Variants in CERS1 observed in about 807,000 individuals in gnomAD.
The protein encoded by CERS1 is Embryonic growth/differentiation factor 1.
Under a neutral mutation model 35.7 loss-of-function variants are expected in CERS1, and 16 were observed. The observed-to-expected ratio is 0.45, with a 90% CI of 0.30 to 0.68. The LOEUF (loss-of-function observed/expected upper bound fraction) is 0.68, where lower values mean the gene tolerates loss of function less well. Among genes scored for constraint, CERS1 ranks in the 30% least tolerant of loss-of-function variants. The pLI, the probability that CERS1 is intolerant of heterozygous loss-of-function variation, is 0.08. For missense variants in CERS1, 454 were observed against 453.9 expected (o/e 1.00, Z 0.00); for synonymous variants, 243 against 201.6 (o/e 1.21, Z -1.74).
intron 2 of CERS1, among the ~76,000 whole-genome samples, chr19:18,892,911 T>C (rs1298609101): frequency 6.6e-6 from 1 of 151,764 alleles, no homozygotes; most frequent in Non-Finnish European, 1.5e-5. Flanking sequence ...CCCCTTACAC[T>C]GTTCTTTTTT....
chr19:18,894,668 C>T (rs73526948), intron 1 of CERS1, among the ~76,000 whole-genome samples: 1,606 of 152,196 alleles, frequency 0.011, 23 homozygotes, highest in African/African-American at 0.035. Flanking sequence ...AAGACCACTG[C>T]GGACCCAGGG....
Position 18,878,245 on chromosome 19 carries a change from C to A in CERS1, c.1010+685G>T. On this transcript the variant is annotated intron_variant, in intron 6 of 7. Transcript: ENST00000623882. This position sits in a 1 kb window ranked among gnomAD's most constrained non-coding sequence, Gnocchi z 4.6. ...ACGTTGCCTATGAGACACTGCACAC[C>A]CGACTCTGCTTGTTACCCAGTTTGG... The A allele has an allele frequency of 1.0e-6, 1 of 985,810 alleles. No homozygotes were observed. The highest frequency in any genetic ancestry group is 1.2e-6 in the Non-Finnish European group (1 of 830,268). The allele number at this position is 985,810 out of a possible 1,614,324, so 61.1% of individuals were successfully genotyped here.
chr19:18,896,899 C>T (rs1479289350), upstream of CERS1, among the ~76,000 whole-genome samples: 1 of 135,266 alleles, frequency 7.4e-6, no homozygotes, highest in Non-Finnish European at 1.6e-5. The surrounding 1 kb of genome is among the most constrained non-coding windows in gnomAD (Gnocchi z 5.9). Flanking sequence ...CTGAGGGTCA[C>T]TTGCTGCTGT....
Position 18,878,772 on chromosome 19 carries a change from T to A in CERS1, c.1010+158A>T. On this transcript the variant is annotated intron_variant, in intron 6 of 7. Transcript: ENST00000623882. This position sits in a 1 kb window ranked among gnomAD's most constrained non-coding sequence, Gnocchi z 4.6. ...GTCCTTCAGGGTACTGGCCACATCG[T>A]CCACGCCTTTATTGCAGTCTCTGTT... 6.9e-7 allele frequency: 1 copy of A among 1,450,872 alleles called. No individual in the cohort carries two copies. The highest frequency in any genetic ancestry group is 9.1e-7 in the Non-Finnish European group (1 of 1,101,130). 89.9% of individuals were successfully genotyped at this position (1,450,872 alleles called of 1,614,324 possible).
chr19:18,883,195 C>T (rs1270345541), intron 3 of CERS1: 2 of 152,092 alleles, frequency 1.3e-5, no homozygotes, highest in Admixed American at 1.3e-4. Context: ...GGCGTGGCTA[C>T]CCTATTATCG....
chr19:18,893,602 C>A (rs1246583008), intron 1 of CERS1, 27 bp from the exon 2 acceptor site: 1 of 1,590,560 alleles, frequency 6.3e-7, no homozygotes, highest in South Asian at 1.1e-5. Context: ...AGGCGGGCAG[C>A]CATTGGTGCT....
chr19:18,886,997 C>T (rs1379034123), intron 2 of CERS1, among the ~76,000 whole-genome samples: 2 of 152,226 alleles, frequency 1.3e-5, no homozygotes, highest in Admixed American at 6.5e-5. Flanking sequence ...CACCATGACC[C>T]AGCAAGTCCA....
chr19:18,882,615 C>T lies in CERS1; in HGVS notation c.590+1472G>A, dbSNP rs562172143. ...TCATGGCACTGCACTCCAGCCTGGG[C>T]GACAGAGCGAGACTCTGTCTCAAAA... is the stretch of plus-strand genomic sequence containing the variant. On this transcript the variant is annotated intron_variant, in intron 3 of 7. Coordinates refer to ENST00000623882, the MANE Select transcript of CERS1 (RefSeq NM_021267.5). Among the ~76,000 whole-genome samples, 148 of 149,964 alleles carry T rather than the reference C, an allele frequency of 9.9e-4. 2 individuals are homozygous for T. The highest frequency in any genetic ancestry group is 5.3e-4 in the Admixed American group (8 of 15,078).
Position 18,896,106 on chromosome 19 carries a change from G to C in CERS1, c.-34C>G. On this transcript the variant is annotated 5_prime_UTR_variant, in exon 1 of 8. Coordinates refer to ENST00000623882, the MANE Select transcript of CERS1 (RefSeq NM_021267.5). This position sits in a 1 kb window ranked among gnomAD's most constrained non-coding sequence, Gnocchi z 5.9. ...CTCGCCCGCCGTGCCCGTCGCCTGC[G>C]CCCGCCCGCGGTAGCCGACGGAGCC... 1.2e-6 allele frequency: 1 copy of C among 862,462 alleles called. No homozygotes were observed. The highest frequency in any genetic ancestry group is 1.4e-6 in the Non-Finnish European group (1 of 720,720). 53.4% of individuals were successfully genotyped at this position (862,462 alleles called of 1,614,324 possible).
chr19:18,894,385 C>T (rs2056574278), intron 1 of CERS1, among the ~76,000 whole-genome samples: 1 of 152,078 alleles, frequency 6.6e-6, no homozygotes. Flanking sequence ...CAGCTGGAGC[C>T]GGCTCCGGTA....
rs2056136760 is a variant in CERS1 at position 18,879,358 on chromosome 19, G to A, written c.783C>T (p.Leu261=). ...AGTGACTGGTGGCATACAGGACCTT[G>A]AGCGGGAACCAGTAGAGGCGGAACC... is the stretch of plus-strand genomic sequence containing the variant. The part of the protein sequence containing the change: ...WFWFRLYWFP[L]KVLYATSHCS... The change falls in exon 5 of 8, where the codon CTC becomes CTT. Residue 261 remains leucine, a synonymous_variant. Coordinates refer to ENST00000623882, the MANE Select transcript of CERS1 (RefSeq NM_021267.5). 2 of 1,588,192 alleles carry A rather than the reference G, an allele frequency of 1.3e-6. No individual in the cohort carries two copies. Among genetic ancestry groups the A allele is most frequent in the East Asian group, 2.3e-5 (1 of 43,520 alleles).
rs2055946510 is a variant in CERS1, at chr19:18,870,373, G to A, written c.*204C>T. Reference sequence around the variant, plus strand: ...GGCGGCCCGGGACCAGTGGGCTGAGGGCGGGGCCGGTGTCCCCGGAGGGGC... The same window carrying A: ...GGCGGCCCGGGACCAGTGGGCTGAGAGCGGGGCCGGTGTCCCCGGAGGGGC... On this transcript the variant is annotated 3_prime_UTR_variant, in exon 7 of 8. Transcript: ENST00000623882. The surrounding 1 kb of genome is among the most constrained non-coding windows in gnomAD (Gnocchi z 5.1). 2 of 1,530,132 alleles carry A rather than the reference G, an allele frequency of 1.3e-6. No homozygotes were observed. The highest frequency in any genetic ancestry group is 1.8e-6 in the Non-Finnish European group (2 of 1,138,030). 94.8% of individuals were successfully genotyped at this position (1,530,132 alleles called of 1,614,324 possible). A position where few individuals can be genotyped will look rare whatever the true frequency, so the allele number is the denominator to read the frequency against.
intron 6 of CERS1, among the ~76,000 whole-genome samples, chr19:18,872,842 T>G (rs1301254316): frequency 1.3e-5 from 2 of 151,772 alleles, no homozygotes; most frequent in African/African-American, 4.8e-5. Flanking sequence ...AGAGATGGGA[T>G]TTCACCACGT....
chr19:18,869,857 G>C (rs2055932510), intron 7 of CERS1, 126 bp downstream of exon 7: 1 of 900,272 alleles, frequency 1.1e-6, no homozygotes, highest in South Asian at 1.4e-5. Context: ...GGCCGAAGTT[G>C]CTAGTAGCCT....
In CERS1 at chr19:18,880,266, C is replaced by T; in HGVS notation, c.752+8G>A. On this transcript the variant is annotated splice_region_variant and intron_variant, in intron 4 of 7. Transcript: ENST00000623882. ...CTCCCTCCCTGCCCAGCACTCCCTA[C>T]CACTCACCAGCTGAAGCCGAAGCTG... 2 of 1,546,788 alleles carry T rather than the reference C, an allele frequency of 1.3e-6. No individual in the cohort carries two copies. The highest frequency in any genetic ancestry group is 8.7e-7 in the Non-Finnish European group (1 of 1,145,164).
chr19:18,868,757 A>G lies in CERS1; in HGVS notation c.*1228T>C, dbSNP rs753906369. The G allele has an allele frequency of 1.3e-6, 2 of 1,506,740 alleles. No individual in the cohort carries two copies. The highest frequency in any genetic ancestry group is 1.2e-5 in the South Asian group (1 of 81,968). The allele number at this position is 1,506,740 out of a possible 1,614,324, so 93.3% of individuals were successfully genotyped here. Reference sequence around the variant, plus strand: ...GGCGGCCGCGTGCATGAGCGCGCGCAGCACAGCGTGGTTGAGCGCCGGCGG... The same window carrying G: ...GGCGGCCGCGTGCATGAGCGCGCGCGGCACAGCGTGGTTGAGCGCCGGCGG... On this transcript the variant is annotated 3_prime_UTR_variant, in exon 8 of 8. Transcript: ENST00000623882.
In CERS1 at chr19:18,868,990, C is replaced by T. The variant is rs990604745; in HGVS notation, c.*995G>A. 11 of 1,120,312 alleles carry T rather than the reference C, an allele frequency of 9.8e-6. No homozygotes were observed. The highest frequency in any genetic ancestry group is 1.2e-5 in the Non-Finnish European group (11 of 917,376). 69.4% of individuals were successfully genotyped at this position (1,120,312 alleles called of 1,614,324 possible). A position where few individuals can be genotyped will look rare whatever the true frequency, so the allele number is the denominator to read the frequency against. On this transcript the variant is annotated 3_prime_UTR_variant, in exon 8 of 8. Transcript: ENST00000623882. ...GCCGGGCCAGGGGGTGGCACAGGCGCGGGTCGAGGGTCACCAGCAGCAGCG... is the reference window on the plus strand; with the variant it reads ...GCCGGGCCAGGGGGTGGCACAGGCGTGGGTCGAGGGTCACCAGCAGCAGCG...
At position 18,868,984 on chromosome 19, in the gene CERS1, C is replaced by G; in HGVS notation, c.*1001G>C. On this transcript the variant is annotated 3_prime_UTR_variant, in exon 8 of 8. Coordinates refer to ENST00000623882, the MANE Select transcript of CERS1 (RefSeq NM_021267.5). ...GCCGCGGCCGGGCCAGGGGGTGGCA[C>G]AGGCGCGGGTCGAGGGTCACCAGCA... 1 of 1,133,112 alleles carries G rather than the reference C, an allele frequency of 8.8e-7. No individual in the cohort carries two copies. The highest frequency in any genetic ancestry group is 1.1e-6 in the Non-Finnish European group (1 of 925,106). 70.2% of individuals were successfully genotyped at this position (1,133,112 alleles called of 1,614,324 possible).
In CERS1 at chr19:18,869,267, C is replaced by T; in HGVS notation, c.*718G>A. The T allele has an allele frequency of 6.8e-7, 1 of 1,473,326 alleles. No individual in the cohort carries two copies. The highest frequency in any genetic ancestry group is 8.9e-7 in the Non-Finnish European group (1 of 1,122,662). The allele number at this position is 1,473,326 out of a possible 1,614,324, so 91.3% of individuals were successfully genotyped here. A position where few individuals can be genotyped will look rare whatever the true frequency, so the allele number is the denominator to read the frequency against. On this transcript the variant is annotated 3_prime_UTR_variant, in exon 8 of 8. Transcript: ENST00000623882. ...GGCTGCCGCCGCCGCCGCCGCGAAACGCAGCTCCAGGCGGGCCCGGCTCGG... is the reference window on the plus strand; with the variant it reads ...GGCTGCCGCCGCCGCCGCCGCGAAATGCAGCTCCAGGCGGGCCCGGCTCGG...
Sources: allele counts gnomAD v4.1 joint callset (sites outside exome capture counted in the v4.1 genomes callset), GRCh38; gene constraint gnomAD v4.1.1; non-coding constraint Gnocchi (gnomAD v3.1); transcripts MANE v1.5; gene names NCBI Gene and HGNC (gene_info 2026-07-23, HGNC 2026-07-21).